The following AGBL1 variants were observed in gnomAD, a reference collection of about 807,000 sequenced individuals.
The protein encoded by AGBL1 is AGBL carboxypeptidase 1, also known as cytosolic carboxypeptidase 4.
Under a neutral mutation model 118.9 loss-of-function variants are expected in AGBL1, and 130 were observed. The observed-to-expected ratio is 1.09, with a 90% CI of 0.95 to 1.26. The LOEUF is 1.26. Ranked by LOEUF, AGBL1 falls within the 50% of genes most tolerant of loss-of-function variation. The pLI is 0.00. For synonymous variants in AGBL1, 555 were observed against 478.9 expected (o/e 1.16, Z -2.08); for missense variants, 1,584 against 1,298.1 (o/e 1.22, Z -3.38).
At chr15:86,458,911 C>G (rs1004129036) in intron 18 of AGBL1, among the ~76,000 whole-genome samples, 1 of 152,196 alleles carries the variant, frequency 6.6e-6, no homozygotes, top group African/African-American at 2.4e-5. Flanking sequence ...CCACTGTGCA[C>G]TGCTCAAAGC....
chr15:87,018,759 C>A (rs1427553417), intron 24 of AGBL1, among the ~76,000 whole-genome samples: 1 of 152,106 alleles, frequency 6.6e-6, no homozygotes, highest in Non-Finnish European at 1.5e-5. Flanking sequence ...CAGGATCAAA[C>A]TCACATATAA....
intron 5 of AGBL1, among the ~76,000 whole-genome samples, chr15:86,162,832 G>T (rs2077286022): frequency 6.6e-6 from 1 of 152,048 alleles, no homozygotes; most frequent in East Asian, 1.9e-4. Context: ...TCTTCCCCAG[G>T]TCTCTCCCTT....
intron 22 of AGBL1, among the ~76,000 whole-genome samples, chr15:86,793,326 T>G (rs2078522861): frequency 6.6e-6 from 1 of 152,176 alleles, no homozygotes; most frequent in African/African-American, 2.4e-5. Context: ...AATCCAGATA[T>G]AAACCCATAC....
In AGBL1 at chr15:86,198,791, C is replaced by T. The variant is rs573961172; in HGVS notation, c.489-26123C>T. On this transcript the variant is annotated intron_variant, in intron 5 of 22. Coordinates refer to ENST00000614907, the MANE Select transcript of AGBL1 (RefSeq NM_001386094.1). ...GCGCCCTTAGCAGAAACTGACCCTC[C>T]CAGGCCTTGATGTGGGACTTCCAGC... 5.3e-5 allele frequency among the ~76,000 whole-genome samples: 8 copies of T among 152,192 alleles called. No individual in the cohort carries two copies. The South Asian group carries it at 1.5e-3, about 28-fold the overall frequency.
At chr15:86,594,441 T>C (rs2084379652) in intron 21 of AGBL1, among the ~76,000 whole-genome samples, 1 of 152,180 alleles carries the variant, frequency 6.6e-6, no homozygotes, top group Admixed American at 6.5e-5. Flanking sequence ...GTTCTTTTCT[T>C]CTATTTTTTA....
chr15:86,596,244 C>A (rs1422388635), intron 21 of AGBL1, among the ~76,000 whole-genome samples: 2 of 152,054 alleles, frequency 1.3e-5, no homozygotes, highest in African/African-American at 4.8e-5. Flanking sequence ...CCCTAATGAT[C>A]ATTTATTGCC....
At chr15:86,118,733 G>A (rs547085103) in intron 1 of AGBL1, among the ~76,000 whole-genome samples, 2 of 151,770 alleles carry the variant, frequency 1.3e-5, no homozygotes, top group South Asian at 4.2e-4. Context: ...TCAAACAAGG[G>A]TAAGGAGGCT....
At chr15:86,175,909 T>C (rs72752104) in intron 5 of AGBL1, among the ~76,000 whole-genome samples, 12,901 of 152,280 alleles carry the variant, frequency 0.085, 803 homozygotes, top group Non-Finnish European at 0.13. Flanking sequence ...GCCTAACATA[T>C]GGTCTGTCCT....
intron 21 of AGBL1, among the ~76,000 whole-genome samples, chr15:86,570,768 G>C (rs1027940886): frequency 6.6e-6 from 1 of 152,126 alleles, no homozygotes; most frequent in Admixed American, 6.5e-5. Flanking sequence ...GATCTTTGGG[G>C]TGTCGCTTTT....
At chr15:86,901,866 A>AT (rs1397636595) in intron 22 of AGBL1, among the ~76,000 whole-genome samples, 1 of 151,784 alleles carries the variant, frequency 6.6e-6, no homozygotes, top group Non-Finnish European at 1.5e-5. Flanking sequence ...TTGTGGATGA[A>AT]TTTTTTTTAG....
intron 17 of AGBL1, among the ~76,000 whole-genome samples, chr15:86,315,575 G>C (rs145619453): frequency 6.6e-6 from 1 of 151,906 alleles, no homozygotes; most frequent in African/African-American, 2.4e-5. Context: ...AAAACTAGCC[G>C]AGTGAGGTGG....
intron 22 of AGBL1, among the ~76,000 whole-genome samples, chr15:86,770,153 TAAAC>T (rs1488601640): frequency 1.3e-5 from 2 of 152,046 alleles, no homozygotes; most frequent in African/African-American, 2.4e-5. Flanking sequence ...TAAACAAAAC[TAAAC>T]AAACAAAAGC....
At chr15:86,944,965 C>T (rs949865617) in intron 23 of AGBL1, among the ~76,000 whole-genome samples, 1 of 151,868 alleles carries the variant, frequency 6.6e-6, no homozygotes, top group South Asian at 2.1e-4. Context: ...GTATGGTCAT[C>T]GTGTATATAA....
rs557412665 is a variant in AGBL1, at chr15:86,166,241, C to A, written c.488+7215C>A. Among the ~76,000 whole-genome samples, 10 of 152,320 alleles carry A rather than the reference C, an allele frequency of 6.6e-5. No individual in the cohort carries two copies. The South Asian group carries it at 1.0e-3, about 16-fold the overall frequency. ...ATTTGACAACATTCTATGTGCCTGT[C>A]TCAATGTTAAGTGCTGGAGAAATGT... On this transcript the variant is annotated intron_variant, in intron 5 of 22. Coordinates refer to ENST00000614907, the MANE Select transcript of AGBL1 (RefSeq NM_001386094.1).
chr15:87,028,455 A>ATACTT, intron 24 of AGBL1, among the ~76,000 whole-genome samples: 1 of 152,108 alleles, frequency 6.6e-6, no homozygotes, highest in Middle Eastern at 3.4e-3. Context: ...GTAAACAATA[A>ATACTT]TACTTTAAGT....
At chr15:86,611,357 C>A (rs2084650791) in intron 21 of AGBL1, among the ~76,000 whole-genome samples, 1 of 152,326 alleles carries the variant, frequency 6.6e-6, no homozygotes. Flanking sequence ...ACACCCCAAC[C>A]ACTGGTGATC....
chr15:86,192,444 G>A (rs977578457), intron 5 of AGBL1, among the ~76,000 whole-genome samples: 2 of 151,692 alleles, frequency 1.3e-5, no homozygotes, highest in African/African-American at 4.8e-5. Context: ...ATGTGCACAT[G>A]TAAATTTTGT....
At chr15:86,575,925 G>A (rs894695835) in intron 21 of AGBL1, among the ~76,000 whole-genome samples, 1 of 152,120 alleles carries the variant, frequency 6.6e-6, no homozygotes, top group African/African-American at 2.4e-5. Flanking sequence ...AAATCTTCCA[G>A]AAATTTAATT....
chr15:86,251,007 G>A (rs1172272444), intron 7 of AGBL1, among the ~76,000 whole-genome samples: 1 of 152,190 alleles, frequency 6.6e-6, no homozygotes, highest in African/African-American at 2.4e-5. Context: ...GGGAGGAGGA[G>A]GAAGAGGAAG....
Sources: allele counts gnomAD v4.1 joint callset (sites outside exome capture counted in the v4.1 genomes callset), GRCh38; gene constraint gnomAD v4.1.1; transcripts MANE v1.5; gene names NCBI Gene and HGNC (gene_info 2026-07-23, HGNC 2026-07-21).